The following TRPV2 variants were observed in gnomAD, a reference collection of about 807,000 sequenced individuals.
TRPV2 encodes transient receptor potential cation channel subfamily V member 2, also known as OTRPC2.
A neutral mutation model predicts 91.0 loss-of-function variants in TRPV2; 58 were observed. The observed-to-expected ratio is 0.64, with a 90% CI of 0.52 to 0.79. The LOEUF (loss-of-function observed/expected upper bound fraction) is 0.79, where lower values mean the gene tolerates loss of function less well. Ranked by LOEUF, TRPV2 falls within the 30% of genes least tolerant of loss-of-function variation. The probability of loss-of-function intolerance (pLI) is 0.00; values close to 1 mark genes in which losing one functional copy is unlikely to be tolerated. For synonymous variants in TRPV2, 417 were observed against 414.8 expected, an observed-to-expected ratio of 1.01 and a Z score of -0.06; for missense variants, 807 against 969.6, an observed-to-expected ratio of 0.83 and a Z score of 2.23.
rs1310780172 is a variant in TRPV2, at chr17:16,433,403, A to G, written c.1990-171A>G. On this transcript the variant is annotated intron_variant, in intron 12 of 14. Coordinates refer to ENST00000338560, the MANE Select transcript of TRPV2 (RefSeq NM_016113.5). ...GAGATGCAGAGAGGCTGAGGGCCCAACCCCACACAGGTAACCGGATGTTGG... is the reference window on the plus strand; with the variant it reads ...GAGATGCAGAGAGGCTGAGGGCCCAGCCCCACACAGGTAACCGGATGTTGG... The G allele has an allele frequency of 8.5e-6, 8 of 937,388 alleles. No homozygotes were observed. The East Asian group carries it at 1.6e-4, about 19-fold the overall frequency. 58.1% of individuals were successfully genotyped at this position (937,388 alleles called of 1,614,324 possible).
In TRPV2 at chr17:16,426,498, T is replaced by A. The variant is rs1339058533; in HGVS notation, c.1096-224T>A. Among the ~76,000 whole-genome samples, 3 of 152,152 alleles carry A rather than the reference T, an allele frequency of 2.0e-5. No individual in the cohort carries two copies. Among genetic ancestry groups the A allele is most frequent in the Non-Finnish European group, 4.4e-5 (3 of 68,024 alleles). On this transcript the variant is annotated intron_variant, in intron 6 of 14. Transcript: ENST00000338560. This position sits in a 1 kb window ranked among gnomAD's most constrained non-coding sequence, Gnocchi z 6.0. ...CATGCCAAGGGCCTCGTGGCAACCA[T>A]CCGGGTCCTCTCTGTTAACCAGCAT... is the stretch of plus-strand genomic sequence containing the variant.
intron 3 of TRPV2, among the ~76,000 whole-genome samples, chr17:16,422,322 C>CAAAA (rs5819570): frequency 1.7e-4 from 16 of 92,704 alleles, no homozygotes; most frequent in Non-Finnish European, 2.0e-4. Context: ...GACTCTGTCT[C>CAAAA]AAAAAAAAAA....
chr17:16,417,483 C>A, intron 1 of TRPV2, 79 bp from the exon 2 acceptor site: 1 of 570,620 alleles, frequency 1.8e-6, no homozygotes. Context: ...ACCAGCCAGC[C>A]TCAGCCTCCC....
Position 16,436,829 on chromosome 17 carries a change from GGAT to G in TRPV2, c.2238_2240del (p.Asp746del). 1 of 1,614,110 alleles carries G rather than the reference GGAT, an allele frequency of 6.2e-7. No homozygotes were observed. Among genetic ancestry groups the G allele is most frequent in the Admixed American group, 1.7e-5 (1 of 60,022 alleles). On this transcript the variant is annotated inframe_deletion, in exon 15 of 15. Coordinates refer to ENST00000338560, the MANE Select transcript of TRPV2 (RefSeq NM_016113.5). Reference sequence around the variant, plus strand: ...CTGTCCTGGCTTCCCCTCCCAAGGAGGATGAGGATGGTGCCTCTGAGGAAAACT... The same window carrying G: ...CTGTCCTGGCTTCCCCTCCCAAGGAGGAGGATGGTGCCTCTGAGGAAAACT...
At chr17:16,434,714 G>A (rs2093428085) in intron 13 of TRPV2, 176 bp from the exon 14 acceptor site, 1 of 554,128 alleles carries the variant, frequency 1.8e-6, no homozygotes, top group South Asian at 2.6e-5. Flanking sequence ...CACAGGACAG[G>A]GCTCCAAGTG....
chr17:16,436,092 T>TC (rs1406614103), intron 14 of TRPV2, among the ~76,000 whole-genome samples: 1 of 151,814 alleles, frequency 6.6e-6, no homozygotes, highest in Non-Finnish European at 1.5e-5. Flanking sequence ...CTCAGCCTAT[T>TC]CCCCCCGCTA....
At chr17:16,421,646 C>T (rs1306542869) in intron 3 of TRPV2, among the ~76,000 whole-genome samples, 1 of 151,820 alleles carries the variant, frequency 6.6e-6, no homozygotes, top group Non-Finnish European at 1.5e-5. Context: ...CTCAGCCTCC[C>T]GAGTAGCTGG....
At chr17:16,428,232 G>A in intron 8 of TRPV2, 85 bp from the exon 9 acceptor site, 1 of 1,270,800 alleles carries the variant, frequency 7.9e-7, no homozygotes, top group South Asian at 1.2e-5. Flanking sequence ...CTCTAGCCTG[G>A]GTGGCAGGCT....
At chr17:16,424,659 T>G (rs958778701) in intron 5 of TRPV2, among the ~76,000 whole-genome samples, 3 of 152,136 alleles carry the variant, frequency 2.0e-5, no homozygotes, top group African/African-American at 7.2e-5. Flanking sequence ...TTTTATATCT[T>G]TTGCCTATTT....
At chr17:16,428,222 C>A (rs2093393244) in intron 8 of TRPV2, 95 bp from the exon 9 acceptor site, 1 of 1,158,384 alleles carries the variant, frequency 8.6e-7, no homozygotes, top group Non-Finnish European at 1.3e-6. Flanking sequence ...GCTGACTTAG[C>A]TCTAGCCTGG....
intron 1 of TRPV2, chr17:16,416,307 G>C (rs1474076004): frequency 3.9e-5 from 6 of 154,850 alleles, no homozygotes; most frequent in Admixed American, 1.9e-4. Flanking sequence ...CCCTCTGCTG[G>C]TGCCGCTCCT....
At chr17:16,432,848 CG>C (rs2093419837) in intron 12 of TRPV2, among the ~76,000 whole-genome samples, 1 of 151,186 alleles carries the variant, frequency 6.6e-6, no homozygotes, top group Admixed American at 6.6e-5. Flanking sequence ...TCTTGTTGCC[CG>C]GGCTGGAGTG....
At chr17:16,436,093 C>T (rs1343490227) in intron 14 of TRPV2, among the ~76,000 whole-genome samples, 5 of 152,038 alleles carry the variant, frequency 3.3e-5, no homozygotes, top group Non-Finnish European at 7.4e-5. Flanking sequence ...TCAGCCTATT[C>T]CCCCCGCTAT....
At position 16,423,539 on chromosome 17, in the gene TRPV2, A is replaced by G; in HGVS notation, c.696A>G (p.Pro232=). 1 of 1,614,076 alleles carries G rather than the reference A, an allele frequency of 6.2e-7. No homozygotes were observed. Among genetic ancestry groups the G allele is most frequent in the South Asian group, 1.1e-5 (1 of 91,082 alleles). ...WDVVSYLLEN[P]HQPASLQATD... is the part of the protein sequence containing the mutation. ...TGGTAAGCTACCTCCTGGAGAACCC[A>G]CACCAGCCCGCCAGCCTGCAGGCCA... Residue 232 remains proline (P), a synonymous_variant, in exon 5 of 15, where the codon CCA becomes CCG. Transcript: ENST00000338560.
At chr17:16,429,240 A>G (rs1363068022) in intron 10 of TRPV2, among the ~76,000 whole-genome samples, 11 of 152,218 alleles carry the variant, frequency 7.2e-5, no homozygotes, top group Admixed American at 1.3e-4. Context: ...ACAAGCAAGG[A>G]GCAAAGAATA....
Position 16,423,587 on chromosome 17 carries a change from C to G in TRPV2, c.744C>G (p.Val248=), listed in dbSNP as rs1407838242. The stretch of plus-strand genomic sequence containing the variant: ...CCACTGACTCCCAGGGCAACACAGT[C>G]CTGCATGCCCTAGTGATGATCTCGG... ...LQATDSQGNT[V]LHALVMISDN... Residue 248 remains valine, a synonymous_variant, in exon 5 of 15, where the codon GTC becomes GTG. Transcript: ENST00000338560. 1 of 1,614,250 alleles carries G rather than the reference C, an allele frequency of 6.2e-7. No individual in the cohort carries two copies. Among genetic ancestry groups the G allele is most frequent in the Non-Finnish European group, 8.5e-7 (1 of 1,180,056 alleles).
intron 9 of TRPV2, 21 bp downstream of exon 9, chr17:16,428,408 CCTT>C (rs1255839450): frequency 6.2e-7 from 1 of 1,612,870 alleles, no homozygotes; most frequent in South Asian, 1.1e-5. Flanking sequence ...TCTCACTCCT[CCTT>C]CTCTCAACTG....
chr17:16,426,932 C>T lies in TRPV2; in HGVS notation c.1251+55C>T. ...CTTGGGGGAGGCCTGCTTGAAACAACCCTGGGGGAAGATGGGGCAGTAATA... is the reference window on the plus strand; with the variant it reads ...CTTGGGGGAGGCCTGCTTGAAACAATCCTGGGGGAAGATGGGGCAGTAATA... On this transcript the variant is annotated intron_variant, in intron 7 of 14. Transcript: ENST00000338560. This position sits in a 1 kb window ranked among gnomAD's most constrained non-coding sequence, Gnocchi z 6.0. 6.3e-7 allele frequency: 1 copy of T among 1,577,242 alleles called. No homozygotes were observed. Among genetic ancestry groups the T allele is most frequent in the Non-Finnish European group, 8.6e-7 (1 of 1,163,142 alleles).
At chr17:16,433,425 T>C in intron 12 of TRPV2, 149 bp from the exon 13 acceptor site, 6 of 1,164,210 alleles carry the variant, frequency 5.2e-6, no homozygotes, top group South Asian at 1.5e-5. Context: ...TAACCGGATG[T>C]TGGAGCCAGA....
Sources: allele counts gnomAD v4.1 joint callset (sites outside exome capture counted in the v4.1 genomes callset), GRCh38; gene constraint gnomAD v4.1.1; non-coding constraint Gnocchi (gnomAD v3.1); transcripts MANE v1.5; gene names NCBI Gene and HGNC (gene_info 2026-07-23, HGNC 2026-07-21).